Variants in CPA6 observed in about 807,000 individuals in gnomAD.
CPA6 encodes carboxypeptidase B.
A neutral mutation model predicts 63.3 loss-of-function variants in CPA6; 58 were observed. The observed-to-expected ratio is 0.92, with a 90% CI of 0.74 to 1.14. The LOEUF (loss-of-function observed/expected upper bound fraction) is 1.14. Ranked by LOEUF, CPA6 falls within the 50% of genes most tolerant of loss-of-function variation. The pLI, the probability that CPA6 is intolerant of heterozygous loss-of-function variation, is 0.00. For missense variants in CPA6, 565 were observed against 526.6 expected (o/e 1.07, Z -0.71); for synonymous variants, 185 against 179.0 (o/e 1.03, Z -0.27).
chr8:67,540,815 C>A (rs1358648940), intron 2 of CPA6, among the ~76,000 whole-genome samples: 2 of 152,172 alleles, frequency 1.3e-5, no homozygotes, highest in South Asian at 2.1e-4. Context: ...AAGGGAAAAC[C>A]ACCTACTCAA....
chr8:67,465,137 A>C (rs1810897421), intron 8 of CPA6, among the ~76,000 whole-genome samples: 1 of 152,164 alleles, frequency 6.6e-6, no homozygotes, highest in African/African-American at 2.4e-5. Flanking sequence ...TTTCTAATCC[A>C]TGAGCATGGA....
intron 1 of CPA6, among the ~76,000 whole-genome samples, chr8:67,688,519 C>G (rs901228416): frequency 3.9e-5 from 6 of 152,190 alleles, no homozygotes; most frequent in Admixed American, 2.6e-4. Flanking sequence ...AAAATCCTAG[C>G]TGCCTTACTG....
intron 8 of CPA6, among the ~76,000 whole-genome samples, chr8:67,440,885 C>G (rs1207837632): frequency 1.3e-5 from 2 of 152,144 alleles, no homozygotes; most frequent in African/African-American, 4.8e-5. Context: ...CCATTCTCTT[C>G]TTGTATGTTC....
intron 1 of CPA6, among the ~76,000 whole-genome samples, chr8:67,633,113 A>G (rs1171192476): frequency 2.0e-5 from 3 of 152,128 alleles, no homozygotes; most frequent in Non-Finnish European, 4.4e-5. Context: ...GCTCAAGACT[A>G]CTACATCTTC....
chr8:67,502,286 T>C (rs539383387), intron 6 of CPA6, among the ~76,000 whole-genome samples: 14 of 152,208 alleles, frequency 9.2e-5, no homozygotes, highest in African/African-American at 3.1e-4. Context: ...AGGGAGACGC[T>C]GCCTCTACAA....
chr8:67,496,711 C>T (rs1011616376), intron 6 of CPA6, among the ~76,000 whole-genome samples: 1 of 151,620 alleles, frequency 6.6e-6, no homozygotes, highest in Non-Finnish European at 1.5e-5. Flanking sequence ...CAGGCATGTG[C>T]CACCACACCC....
At position 67,673,377 on chromosome 8, in the gene CPA6, A is replaced by AT. The variant is rs1554532385; in HGVS notation, c.117-49127dup. On this transcript the variant is annotated intron_variant, in intron 1 of 10. Coordinates refer to ENST00000297770, the MANE Select transcript of CPA6 (RefSeq NM_020361.5). ...ATTTATTATTATTATTATTATTATT[A>AT]TTATTTATTTATTTTTTTTTTTTTG... Among the ~76,000 whole-genome samples, 586 of 131,098 alleles carry AT rather than the reference A, an allele frequency of 4.5e-3. 4 individuals are homozygous for AT. The highest frequency in any genetic ancestry group is 0.011 in the Middle Eastern group (3 of 264). 86.0% of individuals were successfully genotyped at this position (131,098 alleles called of 152,430 possible). A position where few individuals can be genotyped will look rare whatever the true frequency, so the allele number is the denominator to read the frequency against.
At chr8:67,574,146 G>C (rs759893339) in intron 2 of CPA6, among the ~76,000 whole-genome samples, 62 of 151,950 alleles carry the variant, frequency 4.1e-4, no homozygotes, top group Non-Finnish European at 8.5e-4. Context: ...GGGAGGCCAA[G>C]GCAGGCAGAT....
chr8:67,561,899 A>G (rs558015491), intron 2 of CPA6, among the ~76,000 whole-genome samples: 13 of 152,342 alleles, frequency 8.5e-5, no homozygotes, highest in Admixed American at 2.0e-4. Flanking sequence ...ATTAAAAGGT[A>G]TGCTTTCCAT....
At chr8:67,536,100 C>T (rs960344508) in intron 2 of CPA6, among the ~76,000 whole-genome samples, 2 of 151,836 alleles carry the variant, frequency 1.3e-5, no homozygotes, top group African/African-American at 2.4e-5. Context: ...CTACTGTAGC[C>T]TTGTAGTATG....
At chr8:67,442,016 G>A (rs1810305730) in intron 8 of CPA6, among the ~76,000 whole-genome samples, 2 of 152,058 alleles carry the variant, frequency 1.3e-5, no homozygotes, top group African/African-American at 4.8e-5. Flanking sequence ...AATGTAGAAT[G>A]AATTAAGAAG....
intron 8 of CPA6, among the ~76,000 whole-genome samples, chr8:67,464,213 G>T (rs1810876640): frequency 6.6e-6 from 1 of 152,080 alleles, no homozygotes; most frequent in African/African-American, 2.4e-5. Context: ...CATTTTGATT[G>T]GTGTGAGATC....
chr8:67,681,332 C>A (rs947621129), intron 1 of CPA6, among the ~76,000 whole-genome samples: 8 of 149,502 alleles, frequency 5.4e-5, no homozygotes, highest in Middle Eastern at 3.4e-3. Context: ...GCCTCAGCCT[C>A]CCGAGTAGCT....
At chr8:67,553,951 A>G (rs1367484698) in intron 2 of CPA6, among the ~76,000 whole-genome samples, 3 of 152,178 alleles carry the variant, frequency 2.0e-5, no homozygotes, top group African/African-American at 4.8e-5. Context: ...ACCATGTGCT[A>G]TTCCTGAAGG....
intron 8 of CPA6, among the ~76,000 whole-genome samples, chr8:67,448,883 C>T (rs775215946): frequency 2.0e-5 from 3 of 151,724 alleles, no homozygotes; most frequent in Non-Finnish European, 4.4e-5. Context: ...GAGGAATAGC[C>T]AACTCTGTCA....
chr8:67,651,405 A>G (rs1281543929), intron 1 of CPA6, among the ~76,000 whole-genome samples: 1 of 152,172 alleles, frequency 6.6e-6, no homozygotes, highest in Non-Finnish European at 1.5e-5. Flanking sequence ...CTCGGCCTCT[A>G]TACTGGCTTC....
chr8:67,513,383 G>A (rs1204221594), intron 3 of CPA6, among the ~76,000 whole-genome samples: 2 of 152,098 alleles, frequency 1.3e-5, no homozygotes, highest in African/African-American at 2.4e-5. Flanking sequence ...TAGGGCTGGG[G>A]TAATTATAAA....
intron 1 of CPA6, among the ~76,000 whole-genome samples, chr8:67,647,845 A>G (rs1410238291): frequency 6.6e-6 from 1 of 152,122 alleles, no homozygotes; most frequent in Non-Finnish European, 1.5e-5. Flanking sequence ...AGGCCATTAT[A>G]TGTTCTTCAA....
At chr8:67,533,225 T>C (rs1333902100) in intron 2 of CPA6, among the ~76,000 whole-genome samples, 1 of 152,204 alleles carries the variant, frequency 6.6e-6, no homozygotes, top group Non-Finnish European at 1.5e-5. Flanking sequence ...CAGATCATCA[T>C]CTGCCTGGGA....
Sources: allele counts gnomAD v4.1 joint callset (sites outside exome capture counted in the v4.1 genomes callset), GRCh38; gene constraint gnomAD v4.1.1; transcripts MANE v1.5; gene names NCBI Gene and HGNC (gene_info 2026-07-23, HGNC 2026-07-21).